CD109: variants seen among roughly 807,000 people sequenced by gnomAD.
CD109 encodes the protein CD109 molecule.
Under a neutral mutation model 165.8 loss-of-function variants are expected in CD109, and 149 were observed. The observed-to-expected ratio is 0.90, with a 90% CI of 0.79 to 1.03. The LOEUF is 1.03. CD109 is among the 50% of genes least tolerant of loss of function. The pLI is 0.00. For synonymous variants in CD109, 585 were observed against 592.1 expected, an observed-to-expected ratio of 0.99 and a Z score of 0.18; for missense variants, 1,712 against 1,677.8, an observed-to-expected ratio of 1.02 and a Z score of -0.36.
At chr6:73,728,003 CT>C (rs1360729237) in intron 3 of CD109, among the ~76,000 whole-genome samples, 2 of 152,084 alleles carry the variant, frequency 1.3e-5, no homozygotes, top group African/African-American at 4.8e-5. Flanking sequence ...CTAGGGCGTC[CT>C]GGTACACAAA....
rs908625669 is a variant in CD109 at position 73,758,934 on chromosome 6, T to A, written c.674-10T>A. On this transcript the variant is annotated splice_polypyrimidine_tract_variant and intron_variant, in intron 6 of 32. Coordinates refer to ENST00000287097, the MANE Select transcript of CD109 (RefSeq NM_133493.5). Reference sequence around the variant, plus strand: ...AGAAAAAAAGATTTACCCTTGCTTTTCTTTTCCAGTATTACCAAAATTTGA... The same window carrying A: ...AGAAAAAAAGATTTACCCTTGCTTTACTTTTCCAGTATTACCAAAATTTGA... The A allele has an allele frequency of 1.9e-5, 28 of 1,501,152 alleles. No homozygotes were observed. The highest frequency in any genetic ancestry group is 2.6e-5 in the Non-Finnish European group (28 of 1,079,482). The allele number at this position is 1,501,152 out of a possible 1,614,324, so 93.0% of individuals were successfully genotyped here.
intron 22 of CD109, among the ~76,000 whole-genome samples, chr6:73,790,112 T>TTTTTTTTTA (rs1774866903): frequency 1.9e-4 from 29 of 149,640 alleles, no homozygotes; most frequent in Admixed American, 2.7e-4. Context: ...TTTTTTTTTT[T>TTTTTTTTTA]GAGATGGAGT....
upstream of CD109, among the ~76,000 whole-genome samples, chr6:73,691,594 G>A (rs567772720): frequency 1.7e-3 from 258 of 152,320 alleles, no homozygotes; most frequent in Middle Eastern, 6.8e-3. Context: ...TGACATGGAA[G>A]TTGGAGGTGG....
Position 73,766,965 on chromosome 6 carries a change from G to T in CD109, c.1452G>T (p.Glu484Asp). ...DENIKVGSPF[E>D]LVVSGNKRLK... ...TTTTCTAGGTGGGATCGCCTTTTGA[G>T]TTGGTGGTTAGTGGCAACAAACGAT... is the stretch of plus-strand genomic sequence containing the variant. Residue 484 changes from glutamate to aspartate, a missense_variant, in exon 13 of 33, where the codon GAG becomes GAT. Glu to Asp is a conservative substitution (Grantham distance 45). Coordinates refer to ENST00000287097, the MANE Select transcript of CD109 (RefSeq NM_133493.5). The T allele has an allele frequency of 6.2e-7, 1 of 1,613,728 alleles. No homozygotes were observed. Among genetic ancestry groups the T allele is most frequent in the Non-Finnish European group, 8.5e-7 (1 of 1,179,844 alleles).
the CD109 span, among the ~76,000 whole-genome samples, chr6:73,682,677 G>A: frequency 6.6e-6 from 1 of 152,254 alleles, no homozygotes; most frequent in African/African-American, 2.4e-5. Context: ...TCCCTTCAGA[G>A]GTTCTTGCCC....
chr6:73,824,711 C>T lies in CD109; in HGVS notation c.*1078C>T, dbSNP rs1355166145. On this transcript the variant is annotated 3_prime_UTR_variant, in exon 33 of 33. Coordinates refer to ENST00000287097, the MANE Select transcript of CD109 (RefSeq NM_133493.5). ...ATGCTTGCTGTGAACTTTTAAGATC[C>T]CCGAATCCTGAGCACCTCAATCTTT... 1 of 152,064 alleles carries T rather than the reference C, an allele frequency of 6.6e-6. No homozygotes were observed. The highest frequency in any genetic ancestry group is 1.5e-5 in the Non-Finnish European group (1 of 68,020). The allele number at this position is 152,064 out of a possible 1,614,324, so 9.4% of individuals were successfully genotyped here. A position where few individuals can be genotyped will look rare whatever the true frequency, so the allele number is the denominator to read the frequency against.
intron 4 of CD109, among the ~76,000 whole-genome samples, chr6:73,732,455 G>A (rs1562035901): frequency 6.6e-6 from 1 of 152,148 alleles, no homozygotes; most frequent in Admixed American, 6.5e-5. Context: ...TATAAAGCAG[G>A]TTGACATAGT....
chr6:73,689,567 A>G, the CD109 span, among the ~76,000 whole-genome samples: 1 of 152,154 alleles, frequency 6.6e-6, no homozygotes, highest in Admixed American at 6.5e-5. Context: ...TCCTTACACT[A>G]CTTTATAGTC....
At chr6:73,686,288 C>A in the CD109 span, among the ~76,000 whole-genome samples, 1 of 152,184 alleles carries the variant, frequency 6.6e-6, no homozygotes, top group Non-Finnish European at 1.5e-5. Flanking sequence ...AACTCCTATT[C>A]CAGCATCTTG....
chr6:73,746,768 C>T (rs1333552502), intron 5 of CD109, among the ~76,000 whole-genome samples: 1 of 152,144 alleles, frequency 6.6e-6, no homozygotes, highest in African/African-American at 2.4e-5. Context: ...TGGTTAGATC[C>T]ATTATTCCCA....
intron 32 of CD109, among the ~76,000 whole-genome samples, chr6:73,822,047 G>T (rs1354950183): frequency 4.6e-5 from 7 of 152,238 alleles, no homozygotes; most frequent in African/African-American, 1.7e-4. Flanking sequence ...GAAAAATATA[G>T]CCTGTTTGGA....
At chr6:73,741,447 G>T (rs971145936) in intron 5 of CD109, among the ~76,000 whole-genome samples, 1 of 152,076 alleles carries the variant, frequency 6.6e-6, no homozygotes, top group African/African-American at 2.4e-5. Context: ...TGTTTTATAG[G>T]GCCGTTATAC....
chr6:73,736,902 T>A (rs1772566606), intron 5 of CD109, among the ~76,000 whole-genome samples: 1 of 152,230 alleles, frequency 6.6e-6, no homozygotes, highest in African/African-American at 2.4e-5. Flanking sequence ...TTATCTTTGT[T>A]TTAAGAAACA....
At chr6:73,791,091 C>A (rs1026841234) in intron 22 of CD109, among the ~76,000 whole-genome samples, 17 of 138,456 alleles carry the variant, frequency 1.2e-4, no homozygotes, top group Non-Finnish European at 2.4e-4. Flanking sequence ...AACAACCAAT[C>A]CATAGGCAGA....
intron 18 of CD109, among the ~76,000 whole-genome samples, chr6:73,783,403 G>A (rs879292373): frequency 6.6e-6 from 1 of 152,146 alleles, no homozygotes; most frequent in Non-Finnish European, 1.5e-5. Context: ...GTTTGAAAAT[G>A]TGTATTTATT....
chr6:73,742,167 A>T (rs1377312691), intron 5 of CD109, among the ~76,000 whole-genome samples: 1 of 151,912 alleles, frequency 6.6e-6, no homozygotes, highest in Non-Finnish European at 1.5e-5. Context: ...ATTAAACAAT[A>T]ACTCTCCATT....
intron 5 of CD109, among the ~76,000 whole-genome samples, chr6:73,739,764 C>T (rs1257279113): frequency 2.0e-5 from 3 of 152,042 alleles, no homozygotes; most frequent in African/African-American, 4.8e-5. Flanking sequence ...AGGAGAATGG[C>T]GTGAACCTGG....
At chr6:73,789,459 A>ATTT in intron 22 of CD109, among the ~76,000 whole-genome samples, 1 of 147,720 alleles carries the variant, frequency 6.8e-6, no homozygotes, top group Non-Finnish European at 1.5e-5. Flanking sequence ...CTGTCTGAGC[A>ATTT]TTTTTTTTTT....
At chr6:73,789,421 T>A (rs1178652016) in intron 22 of CD109, among the ~76,000 whole-genome samples, 1 of 152,058 alleles carries the variant, frequency 6.6e-6, no homozygotes, top group Non-Finnish European at 1.5e-5. Context: ...TAACTGTTTT[T>A]TTTTGTGGGA....
Sources: gnomAD v4.1 joint callset for allele counts (sites outside exome capture counted in the v4.1 genomes callset) on GRCh38, gnomAD v4.1.1 for gene constraint, MANE v1.5 for transcripts, NCBI Gene and HGNC (gene_info 2026-07-23, HGNC 2026-07-21) for gene names.